The following CPED1 variants were observed in gnomAD, a reference collection of about 807,000 sequenced individuals.
The protein encoded by CPED1 is cadherin like and PC-esterase domain containing 1.
A neutral mutation model predicts 128.2 loss-of-function variants in CPED1; 114 were observed. That is an observed-to-expected ratio of 0.89 (90% confidence interval 0.76 to 1.04). CPED1 has a LOEUF of 1.04. CPED1 is among the 50% of genes least tolerant of loss of function. The pLI, the probability that CPED1 is intolerant of heterozygous loss-of-function variation, is 0.00. For missense variants in CPED1, 1,211 were observed against 1,207.1 expected (o/e 1.00, Z -0.05); for synonymous variants, 462 against 426.7 (o/e 1.08, Z -1.02).
chr7:121,244,958 C>T (rs780511506), intron 18 of CPED1, among the ~76,000 whole-genome samples: 4 of 152,154 alleles, frequency 2.6e-5, no homozygotes, highest in Non-Finnish European at 5.9e-5. Flanking sequence ...TCTGGCAGAA[C>T]TCTCGGATAT....
At chr7:121,262,845 A>G (rs1792047674) in intron 18 of CPED1, among the ~76,000 whole-genome samples, 1 of 152,108 alleles carries the variant, frequency 6.6e-6, no homozygotes, top group Non-Finnish European at 1.5e-5. Flanking sequence ...AAATTGTGTG[A>G]TATGCACATT....
chr7:121,033,152 G>GT (rs774396399), intron 3 of CPED1, among the ~76,000 whole-genome samples: 1 of 152,158 alleles, frequency 6.6e-6, no homozygotes. Context: ...GCCAACTACT[G>GT]TGAGGTCCTC....
At chr7:121,038,829 G>A (rs1016318666) in intron 3 of CPED1, among the ~76,000 whole-genome samples, 5 of 151,874 alleles carry the variant, frequency 3.3e-5, no homozygotes, top group Admixed American at 2.6e-4. Flanking sequence ...TTTGCCTGAC[G>A]TTTTTCTCAT....
intron 7 of CPED1, among the ~76,000 whole-genome samples, chr7:121,102,651 A>G (rs1794882175): frequency 6.6e-6 from 1 of 152,178 alleles, no homozygotes. Flanking sequence ...CTCCCAAGAA[A>G]TTTAGCAATC....
intron 16 of CPED1, among the ~76,000 whole-genome samples, chr7:121,175,464 A>G (rs1448528659): frequency 6.6e-6 from 1 of 152,118 alleles, no homozygotes; most frequent in Non-Finnish European, 1.5e-5. Context: ...CTTCAAAATT[A>G]TAAAATTCCC....
chr7:121,104,406 G>C (rs898295326), intron 7 of CPED1, among the ~76,000 whole-genome samples: 1 of 152,044 alleles, frequency 6.6e-6, no homozygotes, highest in Non-Finnish European at 1.5e-5. Flanking sequence ...GGTTCTTAGA[G>C]CAAAAAGTCA....
chr7:121,267,994 C>T (rs565215324), intron 21 of CPED1, among the ~76,000 whole-genome samples: 1 of 151,882 alleles, frequency 6.6e-6, no homozygotes, highest in African/African-American at 2.4e-5. Context: ...TCTGCCTGGA[C>T]AGCAGATCTT....
At chr7:121,226,554 T>A (rs1798018719) in intron 16 of CPED1, among the ~76,000 whole-genome samples, 1 of 152,156 alleles carries the variant, frequency 6.6e-6, no homozygotes, top group Non-Finnish European at 1.5e-5. Flanking sequence ...TCCAGTCAGT[T>A]TCCTTGTACA....
chr7:121,196,326 G>T (rs537283713), intron 16 of CPED1, among the ~76,000 whole-genome samples: 1 of 152,002 alleles, frequency 6.6e-6, no homozygotes, highest in Non-Finnish European at 1.5e-5. Context: ...CTACCTGCAG[G>T]CTGCTACTCA....
intron 5 of CPED1, among the ~76,000 whole-genome samples, chr7:121,076,957 T>A (rs998165954): frequency 6.6e-6 from 1 of 152,192 alleles, no homozygotes; most frequent in South Asian, 2.1e-4. Flanking sequence ...GAGTCCCATA[T>A]AACCAAGAAA....
At chr7:121,116,765 C>G (rs957253205) in intron 7 of CPED1, among the ~76,000 whole-genome samples, 1 of 151,818 alleles carries the variant, frequency 6.6e-6, no homozygotes, top group Non-Finnish European at 1.5e-5. Context: ...TAACCTTAGG[C>G]GTGTACCTTG....
intron 16 of CPED1, among the ~76,000 whole-genome samples, chr7:121,172,319 G>C (rs117070992): frequency 6.6e-6 from 1 of 151,514 alleles, no homozygotes; most frequent in East Asian, 1.9e-4. Flanking sequence ...AAGCAGATTT[G>C]AAATCCAAGA....
At chr7:121,146,348 A>G (rs1796024706) in intron 16 of CPED1, among the ~76,000 whole-genome samples, 1 of 152,156 alleles carries the variant, frequency 6.6e-6, no homozygotes, top group African/African-American at 2.4e-5. Context: ...AACTCTCATG[A>G]TTTAATCACA....
At chr7:120,990,715 T>C (rs1173866776) in intron 2 of CPED1, among the ~76,000 whole-genome samples, 1 of 152,210 alleles carries the variant, frequency 6.6e-6, no homozygotes, top group Non-Finnish European at 1.5e-5. Flanking sequence ...AGTAGTATTG[T>C]AGCAACAAAA....
intron 3 of CPED1, among the ~76,000 whole-genome samples, chr7:121,032,115 G>A (rs1478470613): frequency 6.6e-6 from 1 of 152,170 alleles, no homozygotes; most frequent in Non-Finnish European, 1.5e-5. Flanking sequence ...ATACTTTTAA[G>A]CCAACAATCT....
chr7:121,150,036 G>A (rs1341261598), intron 16 of CPED1, among the ~76,000 whole-genome samples: 3 of 152,028 alleles, frequency 2.0e-5, no homozygotes, highest in Admixed American at 1.3e-4. Context: ...TCTTAGATAC[G>A]AAGTATTTTG....
chr7:120,993,668 C>T (rs1670864648), intron 2 of CPED1, among the ~76,000 whole-genome samples: 2 of 152,290 alleles, frequency 1.3e-5, no homozygotes, highest in African/African-American at 2.4e-5. Flanking sequence ...CACTTGCATG[C>T]TAACACTTTG....
At chr7:121,211,426 T>C (rs2116594471) in intron 16 of CPED1, among the ~76,000 whole-genome samples, 1 of 152,176 alleles carries the variant, frequency 6.6e-6, no homozygotes, top group Non-Finnish European at 1.5e-5. Flanking sequence ...CTTTTAAAGA[T>C]AAAGCAGAAG....
intron 22 of CPED1, among the ~76,000 whole-genome samples, chr7:121,290,598 A>G (rs1454922451): frequency 1.3e-5 from 2 of 152,212 alleles, no homozygotes; most frequent in Non-Finnish European, 2.9e-5. Flanking sequence ...GGCCACATAA[A>G]TGTCTTCTTT....
Sources: allele counts gnomAD v4.1 joint callset (sites outside exome capture counted in the v4.1 genomes callset), GRCh38; gene constraint gnomAD v4.1.1; transcripts MANE v1.5; gene names NCBI Gene and HGNC (gene_info 2026-07-23, HGNC 2026-07-21).